The following MAPK4 variants were observed in gnomAD, a reference collection of about 807,000 sequenced individuals.
MAPK4 encodes mitogen-activated protein kinase 4.
In MAPK4, 22 loss-of-function variants were observed where a neutral mutation model predicts 47.7. That is an observed-to-expected ratio of 0.46 (90% CI 0.33 to 0.66). The LOEUF (loss-of-function observed/expected upper bound fraction) is 0.66, where lower values mean the gene tolerates loss of function less well. Among genes scored for constraint, MAPK4 ranks in the 30% least tolerant of loss-of-function variants. MAPK4 has a pLI of 0.02. For synonymous variants in MAPK4, 390 were observed against 365.7 expected (o/e 1.07, Z -0.76); for missense variants, 736 against 831.7 (o/e 0.88, Z 1.42).
rs537988465 is a variant in MAPK4 at position 50,721,981 on chromosome 18, C to T, written c.735C>T (p.Ile245=). 4 of 1,614,134 alleles carry T rather than the reference C, an allele frequency of 2.5e-6. No individual in the cohort carries two copies. Among genetic ancestry groups the T allele is most frequent in the Non-Finnish European group, 3.4e-6 (4 of 1,180,012 alleles). The change falls in exon 4 of 6, where the codon ATC becomes ATT. Residue 245 remains isoleucine, a synonymous_variant. Coordinates refer to ENST00000400384, the MANE Select transcript of MAPK4 (RefSeq NM_002747.4). ...LEQMQLILET[I]PVIREEDKDE... Reference sequence around the variant, plus strand: ...AGATGCAACTCATCCTGGAGACCATCCCTGTAATCCGGGAGGAAGACAAGG... The same window carrying T: ...AGATGCAACTCATCCTGGAGACCATTCCTGTAATCCGGGAGGAAGACAAGG...
At chr18:50,714,447 C>T (rs1434439724) in intron 2 of MAPK4, among the ~76,000 whole-genome samples, 1 of 152,198 alleles carries the variant, frequency 6.6e-6, no homozygotes, top group Non-Finnish European at 1.5e-5. Flanking sequence ...CCCAGAAAGA[C>T]ACAGTCAGAC....
chr18:50,573,103 G>A (rs1479029379), intron 1 of MAPK4, among the ~76,000 whole-genome samples: 3 of 152,144 alleles, frequency 2.0e-5, no homozygotes, highest in African/African-American at 7.2e-5. Context: ...AGAAGTGATT[G>A]AGGATTGACG....
chr18:50,656,227 C>T (rs548953062), intron 1 of MAPK4, among the ~76,000 whole-genome samples: 3 of 152,196 alleles, frequency 2.0e-5, no homozygotes, highest in Non-Finnish European at 2.9e-5. Context: ...TTTATTACCA[C>T]GCAGCTCCTG....
chr18:50,626,459 G>C (rs1220746502), intron 1 of MAPK4, among the ~76,000 whole-genome samples: 1 of 152,128 alleles, frequency 6.6e-6, no homozygotes, highest in East Asian at 1.9e-4. Context: ...GCGTGGACGG[G>C]GAGTCTGTCC....
intron 1 of MAPK4, among the ~76,000 whole-genome samples, chr18:50,622,440 A>G (rs376014353): frequency 6.6e-6 from 1 of 152,114 alleles, no homozygotes; most frequent in Non-Finnish European, 1.5e-5. Context: ...GTATTTTCCT[A>G]TCCTTGGCTG....
chr18:50,616,601 A>G lies in MAPK4; in HGVS notation c.-870-46488A>G, dbSNP rs888074581. Among the ~76,000 whole-genome samples the G allele has an allele frequency of 9.2e-5, 14 of 152,188 alleles. 1 individual carries two copies. Among genetic ancestry groups the G allele is most frequent in the Admixed American group, 9.2e-4 (14 of 15,282 alleles). Reference sequence around the variant, plus strand: ...GCCAGAAAGCCAGTCCCAGTCCCAAAACCTCAGAAATAGAGAAGCCAACAG... The same window carrying G: ...GCCAGAAAGCCAGTCCCAGTCCCAAGACCTCAGAAATAGAGAAGCCAACAG... On this transcript the variant is annotated intron_variant, in intron 1 of 5. Transcript: ENST00000400384.
chr18:50,662,561 G>A lies in MAPK4; in HGVS notation c.-870-528G>A, dbSNP rs190084734. Among the ~76,000 whole-genome samples the A allele has an allele frequency of 3.9e-5, 6 of 152,314 alleles. No individual in the cohort carries two copies. In the East Asian group the frequency reaches 9.6e-4, roughly 24 times the overall value. ...TGGTACATGGGCTTCTTCAACTTAC[G>A]TGGAAAGCAAGAGATACAAATGTCA... On this transcript the variant is annotated intron_variant, in intron 1 of 5. Coordinates refer to ENST00000400384, the MANE Select transcript of MAPK4 (RefSeq NM_002747.4).
At chr18:50,700,674 C>T (rs1395130197) in intron 2 of MAPK4, among the ~76,000 whole-genome samples, 1 of 152,226 alleles carries the variant, frequency 6.6e-6, no homozygotes, top group Non-Finnish European at 1.5e-5. Context: ...CCGCACCTCC[C>T]TCCAAGTGTC....
intron 2 of MAPK4, among the ~76,000 whole-genome samples, chr18:50,685,824 T>A (rs1355004417): frequency 6.6e-6 from 1 of 151,970 alleles, no homozygotes; most frequent in Non-Finnish European, 1.5e-5. Context: ...TGGCACCAGA[T>A]ACTGACACTC....
At chr18:50,695,287 A>C (rs530417214) in intron 2 of MAPK4, among the ~76,000 whole-genome samples, 1 of 149,318 alleles carries the variant, frequency 6.7e-6, no homozygotes, top group Non-Finnish European at 1.5e-5. Flanking sequence ...CGGAGGTTAC[A>C]GTGAGCCAAG....
At chr18:50,620,267 C>G (rs1181637929) in intron 1 of MAPK4, among the ~76,000 whole-genome samples, 2 of 152,116 alleles carry the variant, frequency 1.3e-5, no homozygotes, top group African/African-American at 4.8e-5. Context: ...GCAAGAGGAC[C>G]CATGACTTGT....
In MAPK4 at chr18:50,617,982, A is replaced by G. The variant is rs184557225; in HGVS notation, c.-870-45107A>G. 1.9e-3 allele frequency among the ~76,000 whole-genome samples: 286 copies of G among 152,348 alleles called. 1 individual carries two copies. The highest frequency in any genetic ancestry group is 6.7e-3 in the African/African-American group (278 of 41,578). On this transcript the variant is annotated intron_variant, in intron 1 of 5. Transcript: ENST00000400384. Reference sequence around the variant, plus strand: ...GGAACTCACTGCTTTATTAGGAATCAGCCATTCTTTTGGAGGAGAGCTCCA... The same window carrying G: ...GGAACTCACTGCTTTATTAGGAATCGGCCATTCTTTTGGAGGAGAGCTCCA...
At chr18:50,593,228 C>A (rs748101229) in intron 1 of MAPK4, among the ~76,000 whole-genome samples, 2 of 152,176 alleles carry the variant, frequency 1.3e-5, no homozygotes, top group Non-Finnish European at 2.9e-5. Context: ...AAAATTGGCC[C>A]CTTGCAATTT....
chr18:50,610,051 C>T (rs2042618852), intron 1 of MAPK4, among the ~76,000 whole-genome samples: 1 of 152,192 alleles, frequency 6.6e-6, no homozygotes, highest in Admixed American at 6.5e-5. Context: ...GGTGAATTAA[C>T]TTGTCTACGA....
chr18:50,613,788 C>T (rs2042659880), intron 1 of MAPK4, among the ~76,000 whole-genome samples: 1 of 152,098 alleles, frequency 6.6e-6, no homozygotes, highest in East Asian at 1.9e-4. Context: ...TAGCATTTTA[C>T]TTTTATACTA....
At chr18:50,725,185 C>T (rs1241327112) in intron 4 of MAPK4, among the ~76,000 whole-genome samples, 1 of 152,248 alleles carries the variant, frequency 6.6e-6, no homozygotes, top group African/African-American at 2.4e-5. Context: ...GAAAGGACTA[C>T]TGCTTGGCAG....
intron 1 of MAPK4, among the ~76,000 whole-genome samples, chr18:50,612,825 AGTGACAG>A (rs2042650801): frequency 6.6e-6 from 1 of 152,192 alleles, no homozygotes; most frequent in Admixed American, 6.5e-5. Flanking sequence ...GAAAGCAGAA[AGTGACAG>A]GTTCCCATCT....
At chr18:50,704,288 A>G (rs1040741379) in intron 2 of MAPK4, among the ~76,000 whole-genome samples, 2 of 152,084 alleles carry the variant, frequency 1.3e-5, no homozygotes, top group African/African-American at 4.8e-5. Flanking sequence ...GGCGGGTGCA[A>G]TGCTTGAGCT....
intron 5 of MAPK4, among the ~76,000 whole-genome samples, chr18:50,728,346 C>T (rs978181371): frequency 2.6e-5 from 4 of 152,332 alleles, no homozygotes; most frequent in Non-Finnish European, 4.4e-5. Flanking sequence ...AGCAGTCGAA[C>T]GGGGCAGAAT....
Sources: allele counts gnomAD v4.1 joint callset (sites outside exome capture counted in the v4.1 genomes callset), GRCh38; gene constraint gnomAD v4.1.1; transcripts MANE v1.5; gene names NCBI Gene and HGNC (gene_info 2026-07-23, HGNC 2026-07-21).